FTO: variants seen among roughly 807,000 people sequenced by gnomAD.
The protein encoded by FTO is alpha-ketoglutarate-dependent dioxygenase FTO.
Under a neutral mutation model 63.9 loss-of-function variants are expected in FTO, and 47 were observed. The observed-to-expected ratio is 0.74, with a 90% CI of 0.58 to 0.94. The LOEUF (loss-of-function observed/expected upper bound fraction) is 0.94. FTO is among the 40% of genes least tolerant of loss of function. The pLI is 0.00. For missense variants in FTO, 562 were observed against 618.1 expected (o/e 0.91, Z 0.96); for synonymous variants, 207 against 224.4 (o/e 0.92, Z 0.69).
intron 4 of FTO, among the ~76,000 whole-genome samples, chr16:53,851,009 A>C (rs2079776394): frequency 6.6e-6 from 1 of 152,188 alleles, no homozygotes; most frequent in South Asian, 2.1e-4. Context: ...ACTAAAGCTT[A>C]GAGAAGTATA....
chr16:53,985,280 C>CA (rs575939805), intron 8 of FTO, among the ~76,000 whole-genome samples: 230 of 152,350 alleles, frequency 1.5e-3, no homozygotes, highest in Non-Finnish European at 2.0e-3. Context: ...TGAGGAACAA[C>CA]AGCCATTCTG....
At chr16:54,066,828 A>G (rs2085743891) in intron 8 of FTO, among the ~76,000 whole-genome samples, 1 of 152,250 alleles carries the variant, frequency 6.6e-6, no homozygotes, top group African/African-American at 2.4e-5. Context: ...TTGAAGGCAC[A>G]ATACTGCACT....
chr16:53,958,404 A>G lies in FTO; in HGVS notation c.1364+24295A>G, dbSNP rs117509471. On this transcript the variant is annotated intron_variant, in intron 8 of 8. Coordinates refer to ENST00000471389, the MANE Select transcript of FTO (RefSeq NM_001080432.3). The stretch of plus-strand genomic sequence containing the variant: ...AAAGCTTGGGAACACTTCGGCGGGC[A>G]GCCTGGGAAGCTGGCGGCCGGCTTT... Among the ~76,000 whole-genome samples, 848 of 152,326 alleles carry G rather than the reference A, an allele frequency of 5.6e-3. 7 individuals carry two copies. Among genetic ancestry groups the G allele is most frequent in the Non-Finnish European group, 9.1e-3 (617 of 68,026 alleles).
chr16:53,871,300 T>C lies in FTO; in HGVS notation c.896-2486T>C, dbSNP rs535780581. On this transcript the variant is annotated intron_variant, in intron 4 of 8. Coordinates refer to ENST00000471389, the MANE Select transcript of FTO (RefSeq NM_001080432.3). ...CAAATTAAATTTTCATTAAATGGCT[T>C]AATATTGTCCTGGCTGTCACTCATG... 3.1e-3 allele frequency among the ~76,000 whole-genome samples: 470 copies of C among 152,346 alleles called. 5 individuals carry two copies. Among genetic ancestry groups the C allele is most frequent in the African/African-American group, 0.01 (424 of 41,578 alleles).
intron 1 of FTO, among the ~76,000 whole-genome samples, chr16:53,765,155 C>A (rs935456148): frequency 2.6e-5 from 4 of 152,120 alleles, no homozygotes; most frequent in African/African-American, 9.7e-5. Flanking sequence ...TTAACTGAGG[C>A]TTATATATGC....
chr16:53,760,310 C>T (rs952684187), intron 1 of FTO, among the ~76,000 whole-genome samples: 17 of 149,290 alleles, frequency 1.1e-4, no homozygotes, highest in South Asian at 6.3e-4. Context: ...TGCAGTGGTG[C>T]GATCTTGGGT....
intron 8 of FTO, among the ~76,000 whole-genome samples, chr16:53,983,227 C>T (rs540368358): frequency 7.9e-5 from 12 of 152,200 alleles, no homozygotes; most frequent in African/African-American, 2.6e-4. Flanking sequence ...GTCTGATACT[C>T]AACTTTTTTA....
intron 8 of FTO, among the ~76,000 whole-genome samples, chr16:53,957,847 G>A (rs2082965901): frequency 6.6e-6 from 1 of 152,206 alleles, no homozygotes; most frequent in Admixed American, 6.5e-5. Flanking sequence ...TTTGCTATCA[G>A]TAACAATGCC....
At position 53,840,522 on chromosome 16, in the gene FTO, GC is replaced by G; in HGVS notation, c.752-3631del. On this transcript the variant is annotated intron_variant, in intron 3 of 8. Coordinates refer to ENST00000471389, the MANE Select transcript of FTO (RefSeq NM_001080432.3). ...TGTTGGCAAATTTTTTTTGTAAAGG[GC>G]CAGAAACAAGTACTTTTGGCTTTGT... Among the ~76,000 whole-genome samples the G allele has an allele frequency of 1.3e-5, 2 of 152,226 alleles. 1 individual carries two copies. The highest frequency in any genetic ancestry group is 6.8e-3 in the Middle Eastern group (2 of 294).
At chr16:53,882,390 A>G (rs1317601521) in intron 6 of FTO, among the ~76,000 whole-genome samples, 3 of 149,036 alleles carry the variant, frequency 2.0e-5, no homozygotes, top group Non-Finnish European at 4.5e-5. Flanking sequence ...AAAAAAAAAC[A>G]GAGCAAGATG....
intron 8 of FTO, among the ~76,000 whole-genome samples, chr16:54,098,999 G>A (rs922459461): frequency 5.9e-5 from 9 of 152,306 alleles, no homozygotes; most frequent in Admixed American, 2.6e-4. Context: ...CCATGCAAAC[G>A]TTACTTAAAT....
intron 1 of FTO, among the ~76,000 whole-genome samples, chr16:53,795,972 A>G (rs2078056500): frequency 6.6e-6 from 1 of 152,178 alleles, no homozygotes; most frequent in African/African-American, 2.4e-5. Context: ...TCACCAGGGA[A>G]ACTGTTAAAT....
At chr16:53,818,357 C>T (rs963687625) in intron 2 of FTO, among the ~76,000 whole-genome samples, 6 of 152,002 alleles carry the variant, frequency 3.9e-5, no homozygotes, top group African/African-American at 1.4e-4. Context: ...CTGTGGTAGA[C>T]TGAAAATTCC....
chr16:53,813,180 C>T (rs971406071), intron 2 of FTO, among the ~76,000 whole-genome samples: 1 of 151,944 alleles, frequency 6.6e-6, no homozygotes, highest in Admixed American at 6.6e-5. Flanking sequence ...ATACTAATAT[C>T]TAATCACTCT....
At chr16:54,088,309 T>A (rs1280607714) in intron 8 of FTO, among the ~76,000 whole-genome samples, 1 of 152,228 alleles carries the variant, frequency 6.6e-6, no homozygotes, top group Non-Finnish European at 1.5e-5. Flanking sequence ...AACATATCAA[T>A]CTATTCTTTC....
At chr16:54,005,196 C>T (rs1488048964) in intron 8 of FTO, among the ~76,000 whole-genome samples, 1 of 148,284 alleles carries the variant, frequency 6.7e-6, no homozygotes, top group Admixed American at 6.7e-5. Flanking sequence ...GAACCTTTTT[C>T]TATCCCATTT....
intron 1 of FTO, among the ~76,000 whole-genome samples, chr16:53,777,126 A>C (rs1184703889): frequency 6.6e-6 from 1 of 152,156 alleles, no homozygotes; most frequent in Non-Finnish European, 1.5e-5. Context: ...ACTGTTTACT[A>C]GTCAGCATGC....
intron 3 of FTO, among the ~76,000 whole-genome samples, chr16:53,827,327 CTGT>C (rs2079033600): frequency 1.3e-5 from 2 of 152,170 alleles, no homozygotes; most frequent in Non-Finnish European, 2.9e-5. Flanking sequence ...AGCATGACCT[CTGT>C]TGACTTTCTT....
At chr16:53,710,977 G>A (rs1342395738) in intron 1 of FTO, among the ~76,000 whole-genome samples, 1 of 152,124 alleles carries the variant, frequency 6.6e-6, no homozygotes, top group Non-Finnish European at 1.5e-5. Flanking sequence ...TAACTTCTCT[G>A]AGCCTCCATT....
Sources: allele counts gnomAD v4.1 joint callset (sites outside exome capture counted in the v4.1 genomes callset), GRCh38; gene constraint gnomAD v4.1.1; transcripts MANE v1.5; gene names NCBI Gene and HGNC (gene_info 2026-07-23, HGNC 2026-07-21).